Variants in CYP39A1 observed in about 807,000 individuals in gnomAD.
CYP39A1 encodes 24-hydroxycholesterol 7-alpha-hydroxylase.
In CYP39A1, 49 loss-of-function variants were observed where a neutral mutation model predicts 58.1. The observed-to-expected ratio is 0.84, with a 90% CI of 0.67 to 1.07. The LOEUF is 1.07. Among genes scored for constraint, CYP39A1 ranks in the 50% least tolerant of loss-of-function variants. CYP39A1 has a pLI of 0.00. For synonymous variants in CYP39A1, 209 were observed against 187.6 expected (o/e 1.11, Z -0.93); for missense variants, 531 against 539.4 (o/e 0.98, Z 0.16).
intron 10 of CYP39A1, among the ~76,000 whole-genome samples, chr6:46,558,659 T>A (rs1020307991): frequency 3.3e-5 from 5 of 152,146 alleles, no homozygotes; most frequent in African/African-American, 1.2e-4. Context: ...GGTAAATATT[T>A]AATTTTCTCC....
At chr6:46,587,295 T>A in intron 9 of CYP39A1, 130 bp from the exon 10 acceptor site, 1 of 686,412 alleles carries the variant, frequency 1.5e-6, no homozygotes, top group South Asian at 1.7e-5. Context: ...TTGGTAATTT[T>A]TTCCACCCTG....
At chr6:46,572,233 T>A (rs1046149845) in intron 10 of CYP39A1, among the ~76,000 whole-genome samples, 5 of 152,148 alleles carry the variant, frequency 3.3e-5, no homozygotes, top group African/African-American at 1.2e-4. Flanking sequence ...AATATTCTGA[T>A]TTTGACTATA....
Position 46,652,341 on chromosome 6 carries a change from TGAAA to T in CYP39A1, c.177+61_177+64del, listed in dbSNP as rs954057482. 2.6e-5 allele frequency: 38 copies of T among 1,482,038 alleles called. No homozygotes were observed. The African/African-American group carries it at 5.2e-4, about 20-fold the overall frequency. 91.8% of individuals were successfully genotyped at this position (1,482,038 alleles called of 1,614,324 possible). A position where few individuals can be genotyped will look rare whatever the true frequency, so the allele number is the denominator to read the frequency against. On this transcript the variant is annotated intron_variant, in intron 1 of 11. Coordinates refer to ENST00000275016, the MANE Select transcript of CYP39A1 (RefSeq NM_016593.5). ...TTCTAGCCCTGCACTTAAGAGTCAA[TGAAA>T]GAAAGTTTAAAAAAGAAAGCATTGT...
chr6:46,554,725 G>A (rs1207848323), intron 10 of CYP39A1, among the ~76,000 whole-genome samples: 1 of 152,140 alleles, frequency 6.6e-6, no homozygotes, highest in Admixed American at 6.5e-5. Context: ...AGCCCTTAAT[G>A]AATACAATTA....
intron 8 of CYP39A1, among the ~76,000 whole-genome samples, chr6:46,589,369 C>T (rs895257314): frequency 2.0e-5 from 3 of 152,032 alleles, no homozygotes; most frequent in Admixed American, 6.6e-5. Context: ...AGGAGGATTG[C>T]TTGAGCCCAG....
chr6:46,646,711 A>C (rs894016542), intron 1 of CYP39A1, among the ~76,000 whole-genome samples: 3 of 152,130 alleles, frequency 2.0e-5, no homozygotes, highest in Non-Finnish European at 4.4e-5. Context: ...TTGGGAGGTT[A>C]TCAAAATACA....
At position 46,610,503 on chromosome 6, in the gene CYP39A1, G is replaced by A. The variant is rs143897352; in HGVS notation, c.932-14383C>T. Among the ~76,000 whole-genome samples the A allele has an allele frequency of 2.8e-3, 425 of 151,874 alleles. 1 individual carries two copies. The highest frequency in any genetic ancestry group is 9.8e-3 in the African/African-American group (407 of 41,432). On this transcript the variant is annotated intron_variant, in intron 7 of 11. Coordinates refer to ENST00000275016, the MANE Select transcript of CYP39A1 (RefSeq NM_016593.5). ...ACTACAGATGCATGCCACCACATCCGACTAAATTTTATTTTTTAATTTTCA... is the reference window on the plus strand; with the variant it reads ...ACTACAGATGCATGCCACCACATCCAACTAAATTTTATTTTTTAATTTTCA...
At position 46,637,732 on chromosome 6, in the gene CYP39A1, A is replaced by G. The variant is rs7770516; in HGVS notation, c.638+97T>C. Reference sequence around the variant, plus strand: ...ATAAGAAACGGCTTCTCTCCCACTTAAACTGCTGTTACATCTACTTAGAAC... The same window carrying G: ...ATAAGAAACGGCTTCTCTCCCACTTGAACTGCTGTTACATCTACTTAGAAC... On this transcript the variant is annotated intron_variant, in intron 4 of 11. Transcript: ENST00000275016. 2,136 of 1,338,640 alleles carry G rather than the reference A, an allele frequency of 1.6e-3. 34 individuals carry two copies. The African/African-American group carries it at 0.027, about 17-fold the overall frequency. The allele number at this position is 1,338,640 out of a possible 1,614,324, so 82.9% of individuals were successfully genotyped here. A position where few individuals can be genotyped will look rare whatever the true frequency, so the allele number is the denominator to read the frequency against.
chr6:46,645,297 T>G (rs1194534106), intron 1 of CYP39A1, among the ~76,000 whole-genome samples: 3 of 152,206 alleles, frequency 2.0e-5, no homozygotes, highest in Admixed American at 1.3e-4. Context: ...GTTATCTATT[T>G]TGAGTTAATT....
At chr6:46,601,710 AG>A (rs1773519953) in intron 7 of CYP39A1, among the ~76,000 whole-genome samples, 1 of 149,962 alleles carries the variant, frequency 6.7e-6, no homozygotes, top group Non-Finnish European at 1.5e-5. Flanking sequence ...ATTTAGAGAC[AG>A]GGTTTCACCA....
intron 4 of CYP39A1, 46 bp downstream of exon 4, chr6:46,637,783 T>G: frequency 3.1e-5 from 49 of 1,581,568 alleles, no homozygotes; most frequent in Non-Finnish European, 4.0e-5. Context: ...GTTGAATTGC[T>G]GAGATAAGCT....
At chr6:46,614,060 T>C (rs1363391149) in intron 7 of CYP39A1, among the ~76,000 whole-genome samples, 2 of 151,740 alleles carry the variant, frequency 1.3e-5, no homozygotes, top group Non-Finnish European at 2.9e-5. Context: ...CTTAAACAAA[T>C]TAAAATGTAA....
intron 5 of CYP39A1, among the ~76,000 whole-genome samples, chr6:46,633,835 T>C (rs568309627): frequency 6.6e-6 from 1 of 151,696 alleles, no homozygotes; most frequent in African/African-American, 2.4e-5. Context: ...CCAGCCTGGG[T>C]GACAGAGCAA....
chr6:46,630,856 C>G, intron 6 of CYP39A1, 107 bp downstream of exon 6: 1 of 891,310 alleles, frequency 1.1e-6, no homozygotes. Flanking sequence ...TTTTTCTTTT[C>G]CATAATGAGT....
chr6:46,647,326 AATAAT>A (rs990070924), intron 1 of CYP39A1, among the ~76,000 whole-genome samples: 7 of 152,196 alleles, frequency 4.6e-5, no homozygotes, highest in African/African-American at 1.7e-4. Flanking sequence ...GTGCAGCTTT[AATAAT>A]ATAAGAGAAA....
intron 8 of CYP39A1, among the ~76,000 whole-genome samples, chr6:46,591,491 A>C (rs1200269028): frequency 6.6e-6 from 1 of 152,066 alleles, no homozygotes; most frequent in Non-Finnish European, 1.5e-5. Flanking sequence ...TCTTTTTATA[A>C]AATAAATATA....
chr6:46,627,665 G>A (rs1366046601), intron 6 of CYP39A1, among the ~76,000 whole-genome samples: 3 of 151,882 alleles, frequency 2.0e-5, no homozygotes, highest in African/African-American at 4.8e-5. Flanking sequence ...TGATCCGCCC[G>A]CCTCAGCCTC....
At chr6:46,634,826 C>T (rs16874904) in intron 5 of CYP39A1, among the ~76,000 whole-genome samples, 52,700 of 152,076 alleles carry the variant, frequency 0.35, 10,503 homozygotes, top group African/African-American at 0.54. Flanking sequence ...CCAGCCTTAG[C>T]AGGGAATTTT....
chr6:46,575,868 A>G (rs1771819233), intron 10 of CYP39A1, among the ~76,000 whole-genome samples: 1 of 152,194 alleles, frequency 6.6e-6, no homozygotes, highest in Non-Finnish European at 1.5e-5. Context: ...AACTAAATCC[A>G]ACTTATACCA....
Sources: allele counts gnomAD v4.1 joint callset (sites outside exome capture counted in the v4.1 genomes callset), GRCh38; gene constraint gnomAD v4.1.1; transcripts MANE v1.5; gene names NCBI Gene and HGNC (gene_info 2026-07-23, HGNC 2026-07-21).